The following TANC2 variants were observed in gnomAD, a reference collection of about 807,000 sequenced individuals.
TANC2 encodes the protein protein TANC2.
TANC2 carries 26 observed loss-of-function variants against 210.5 expected under a neutral mutation model. The ratio of observed to expected loss-of-function variants is 0.12; its 90% CI spans 0.09 to 0.17. The LOEUF (loss-of-function observed/expected upper bound fraction) is 0.17. TANC2 is among the 10% of genes least tolerant of loss of function. TANC2 has a pLI of 1.00. For synonymous variants in TANC2, 931 were observed against 967.1 expected (o/e 0.96, Z 0.69); for missense variants, 2,129 against 2,608.9 (o/e 0.82, Z 4.01).
intron 7 of TANC2, among the ~76,000 whole-genome samples, chr17:63,221,815 C>T (rs1286184600): frequency 6.6e-6 from 1 of 152,200 alleles, no homozygotes; most frequent in African/African-American, 2.4e-5. Flanking sequence ...TAAAATGGTA[C>T]AGCCACTTTG....
At position 63,016,379 on chromosome 17, in the gene TANC2, A is replaced by G. The variant is rs575356029; in HGVS notation, c.67+6753A>G. 7.2e-5 allele frequency among the ~76,000 whole-genome samples: 11 copies of G among 152,350 alleles called. 1 individual carries two copies. The East Asian group carries it at 1.7e-3, about 24-fold the overall frequency. ...ATCATGAGATCAGCACTTCGAGACC[A>G]GCCTGGCCAATATGGTGAAACCCTG... On this transcript the variant is annotated intron_variant, in intron 2 of 27. Transcript: ENST00000689528.
chr17:63,074,419 A>G (rs1044716249), intron 3 of TANC2, among the ~76,000 whole-genome samples: 6 of 152,096 alleles, frequency 3.9e-5, no homozygotes, highest in African/African-American at 1.2e-4. Flanking sequence ...GGTAATTGCT[A>G]TATTAGGATC....
At chr17:63,270,128 G>A (rs186006123) in intron 9 of TANC2, among the ~76,000 whole-genome samples, 1 of 152,094 alleles carries the variant, frequency 6.6e-6, no homozygotes, top group Non-Finnish European at 1.5e-5. Context: ...TGTTTACTTA[G>A]CAGTGTAAAG....
At chr17:63,229,772 T>TC (rs2042423253) in intron 7 of TANC2, among the ~76,000 whole-genome samples, 1 of 138,674 alleles carries the variant, frequency 7.2e-6, no homozygotes, top group African/African-American at 2.9e-5. Context: ...TTGTTTGTAT[T>TC]TTTTTTTTTT....
At chr17:63,382,090 C>T (rs532656174) in intron 15 of TANC2, among the ~76,000 whole-genome samples, 1 of 152,344 alleles carries the variant, frequency 6.6e-6, no homozygotes, top group African/African-American at 2.4e-5. Context: ...CCGTACTTCA[C>T]AGGAACAAAG....
At chr17:63,318,811 GT>G in intron 10 of TANC2, 145 bp from the exon 11 acceptor site, 3 of 930,000 alleles carry the variant, frequency 3.2e-6, no homozygotes, top group Non-Finnish European at 4.9e-6. Flanking sequence ...TTGTGTACAA[GT>G]TTTTGGGTGG....
intron 9 of TANC2, among the ~76,000 whole-genome samples, chr17:63,297,485 C>T (rs1446428763): frequency 2.0e-5 from 3 of 152,124 alleles, no homozygotes; most frequent in Non-Finnish European, 4.4e-5. Flanking sequence ...GCAAATGGTA[C>T]TGAGACAACT....
chr17:63,277,481 T>C (rs1230045474), intron 9 of TANC2, among the ~76,000 whole-genome samples: 1 of 149,502 alleles, frequency 6.7e-6, no homozygotes, highest in Non-Finnish European at 1.5e-5. Flanking sequence ...AAAGTAATCT[T>C]TCTAAAATGC....
At chr17:63,219,504 A>G (rs1029747100) in intron 7 of TANC2, among the ~76,000 whole-genome samples, 9 of 152,274 alleles carry the variant, frequency 5.9e-5, no homozygotes, top group Admixed American at 4.6e-4. Flanking sequence ...TCCACCTCCC[A>G]GGTTCAAACA....
chr17:63,276,877 A>G (rs1047195604), intron 9 of TANC2, among the ~76,000 whole-genome samples: 2 of 152,214 alleles, frequency 1.3e-5, no homozygotes, highest in Non-Finnish European at 2.9e-5. Flanking sequence ...AAGTAGTGGT[A>G]ATAAGGAAAC....
chr17:63,336,448 G>A (rs1259556277), intron 11 of TANC2, among the ~76,000 whole-genome samples: 2 of 152,210 alleles, frequency 1.3e-5, no homozygotes, highest in South Asian at 4.1e-4. Flanking sequence ...CAACGCAAGC[G>A]TGACATTTTT....
At chr17:63,047,021 A>G (rs2035410251) in intron 2 of TANC2, among the ~76,000 whole-genome samples, 1 of 152,188 alleles carries the variant, frequency 6.6e-6, no homozygotes, top group Admixed American at 6.5e-5. Context: ...ATAGGGAGTA[A>G]GAGGTTTCTT....
intron 8 of TANC2, among the ~76,000 whole-genome samples, chr17:63,260,016 A>AAGGTC (rs1441246404): frequency 6.6e-6 from 1 of 152,238 alleles, no homozygotes; most frequent in Admixed American, 6.5e-5. Flanking sequence ...TTGCATTAGC[A>AAGGTC]AGGTCACTAT....
chr17:62,970,863 A>C (rs1423632053), intron 1 of TANC2, among the ~76,000 whole-genome samples: 1 of 152,248 alleles, frequency 6.6e-6, no homozygotes, highest in African/African-American at 2.4e-5. Flanking sequence ...AAGCTGTTGC[A>C]GAGGGCTGTT....
intron 4 of TANC2, among the ~76,000 whole-genome samples, chr17:63,144,505 T>C (rs1055859621): frequency 6.6e-6 from 1 of 152,190 alleles, no homozygotes; most frequent in African/African-American, 2.4e-5. Context: ...ATAATATACA[T>C]TCACATTTAA....
intron 2 of TANC2, among the ~76,000 whole-genome samples, chr17:63,066,095 A>G (rs565212999): frequency 4.6e-5 from 7 of 152,110 alleles, no homozygotes; most frequent in African/African-American, 1.7e-4. Flanking sequence ...GTCAGGGTCT[A>G]TTGGGATGGG....
chr17:63,335,921 T>C (rs1157473867), intron 11 of TANC2, among the ~76,000 whole-genome samples: 1 of 151,988 alleles, frequency 6.6e-6, no homozygotes, highest in Non-Finnish European at 1.5e-5. Flanking sequence ...AAGTCTAAAG[T>C]TAGTTCAAAG....
chr17:63,218,264 T>C (rs939638829), intron 7 of TANC2, among the ~76,000 whole-genome samples: 1 of 149,948 alleles, frequency 6.7e-6, no homozygotes, highest in African/African-American at 2.5e-5. Context: ...CAAGACCCCA[T>C]AGAGAGGAGG....
Position 63,412,239 on chromosome 17 carries a change from C to G in TANC2, c.3898+109C>G. The G allele has an allele frequency of 6.8e-7, 1 of 1,459,996 alleles. No homozygotes were observed. The highest frequency in any genetic ancestry group is 9.3e-7 in the Non-Finnish European group (1 of 1,075,376). 90.4% of individuals were successfully genotyped at this position (1,459,996 alleles called of 1,614,324 possible). ...TGAGTGTATATAGTTCCCCCTCCTC[C>G]CTGGCCCAATTATTGTCCAAGTGAA... On this transcript the variant is annotated intron_variant, in intron 23 of 27. Coordinates refer to ENST00000689528, the Ensembl canonical transcript of TANC2. The surrounding 1 kb of genome is among the most constrained non-coding windows in gnomAD (Gnocchi z 4.2).
Sources: gnomAD v4.1 joint callset for allele counts (sites outside exome capture counted in the v4.1 genomes callset) on GRCh38, gnomAD v4.1.1 for gene constraint, Gnocchi (gnomAD v3.1) non-coding constraint, MANE v1.5 for transcripts, NCBI Gene and HGNC (gene_info 2026-07-23, HGNC 2026-07-21) for gene names.